RBFOX1: variants seen among roughly 807,000 people sequenced by gnomAD.
RBFOX1 encodes RNA binding protein fox-1 homolog 1.
A neutral mutation model predicts 57.7 loss-of-function variants in RBFOX1; 8 were observed. The observed-to-expected ratio is 0.14, with a 90% CI of 0.08 to 0.25. The LOEUF is 0.25. Ranked by LOEUF, RBFOX1 falls within the 10% of genes least tolerant of loss-of-function variation. The pLI, the probability that RBFOX1 is intolerant of heterozygous loss-of-function variation, is 1.00. For missense variants in RBFOX1, 611 were observed against 548.5 expected (o/e 1.11, Z -1.14); for synonymous variants, 326 against 222.4 (o/e 1.47, Z -4.15).
intron 3 of RBFOX1, among the ~76,000 whole-genome samples, chr16:6,715,876 T>C (rs1228618768): frequency 2.0e-5 from 3 of 152,182 alleles, no homozygotes; most frequent in Non-Finnish European, 4.4e-5. Flanking sequence ...TGAAGCCCCT[T>C]TGGGGTCAAG....
At chr16:6,883,796 T>A (rs2063419953) in intron 3 of RBFOX1, among the ~76,000 whole-genome samples, 1 of 148,986 alleles carries the variant, frequency 6.7e-6, no homozygotes, top group Non-Finnish European at 1.5e-5. Flanking sequence ...GTGAAGAGGT[T>A]TTTTTTTTTC....
At chr16:7,631,858 G>A (rs770829132) in intron 11 of RBFOX1, among the ~76,000 whole-genome samples, 4 of 152,154 alleles carry the variant, frequency 2.6e-5, no homozygotes, top group Non-Finnish European at 4.4e-5. Context: ...AAAATATAAT[G>A]TGACACACCC....
At chr16:6,658,896 G>T (rs2098680462) in intron 3 of RBFOX1, among the ~76,000 whole-genome samples, 1 of 150,868 alleles carries the variant, frequency 6.6e-6, no homozygotes, top group South Asian at 2.1e-4. Context: ...ATAGGAAGCA[G>T]GAGCACAGGT....
chr16:7,692,262 G>A (rs150687347), intron 14 of RBFOX1, among the ~76,000 whole-genome samples: 9 of 152,166 alleles, frequency 5.9e-5, no homozygotes, highest in East Asian at 1.9e-4. Context: ...ATATTTTATT[G>A]GTGTAGAAAT....
intron 1 of RBFOX1, among the ~76,000 whole-genome samples, chr16:6,261,240 A>G (rs999967903): frequency 1.3e-5 from 2 of 152,214 alleles, no homozygotes; most frequent in African/African-American, 4.8e-5. Flanking sequence ...TTCCCTTCCA[A>G]AAAGCAGAAA....
intron 2 of RBFOX1, among the ~76,000 whole-genome samples, chr16:5,473,585 G>A (rs1158769389): frequency 1.3e-5 from 2 of 151,468 alleles, no homozygotes; most frequent in Admixed American, 1.3e-4. Flanking sequence ...ATGAATGGAT[G>A]AAAAGATGGA....
At chr16:5,505,313 C>T (rs923092555) in intron 2 of RBFOX1, among the ~76,000 whole-genome samples, 1 of 152,188 alleles carries the variant, frequency 6.6e-6, no homozygotes, top group Admixed American at 6.5e-5. Context: ...TGAACCAAAG[C>T]CTGCATTTTC....
chr16:7,700,897 T>C (rs1266487118), intron 14 of RBFOX1, among the ~76,000 whole-genome samples: 5 of 152,144 alleles, frequency 3.3e-5, no homozygotes, highest in South Asian at 2.1e-4. Context: ...TGATTTGCCA[T>C]GGGTAAATGG....
chr16:6,631,337 A>C (rs2098382463), intron 2 of RBFOX1, among the ~76,000 whole-genome samples: 1 of 152,164 alleles, frequency 6.6e-6, no homozygotes, highest in African/African-American at 2.4e-5. Context: ...TTTAAGAAAA[A>C]GGAAAGTAGA....
intron 3 of RBFOX1, among the ~76,000 whole-genome samples, chr16:5,812,170 A>G (rs1567572915): frequency 6.6e-6 from 1 of 152,162 alleles, no homozygotes; most frequent in African/African-American, 2.4e-5. Flanking sequence ...TAGTGACTAC[A>G]TTGTGTTTAT....
intron 4 of RBFOX1, among the ~76,000 whole-genome samples, chr16:7,194,681 A>C (rs977358659): frequency 6.6e-6 from 1 of 152,158 alleles, no homozygotes; most frequent in Non-Finnish European, 1.5e-5. Flanking sequence ...TAATCCCAGC[A>C]ATTTTAGAGG....
chr16:5,589,760 G>C (rs953543500), intron 2 of RBFOX1, among the ~76,000 whole-genome samples: 1 of 152,152 alleles, frequency 6.6e-6, no homozygotes, highest in Non-Finnish European at 1.5e-5. Context: ...GAGAGGTGAA[G>C]TCACTTTCCC....
At chr16:5,746,548 A>T (rs1254885292) in intron 3 of RBFOX1, among the ~76,000 whole-genome samples, 2 of 152,094 alleles carry the variant, frequency 1.3e-5, no homozygotes, top group East Asian at 1.9e-4. Flanking sequence ...CATCTTCACG[A>T]TATTGGTTCT....
At chr16:7,487,512 A>G (rs1485325710) in intron 4 of RBFOX1, among the ~76,000 whole-genome samples, 1 of 152,228 alleles carries the variant, frequency 6.6e-6, no homozygotes, top group Non-Finnish European at 1.5e-5. Flanking sequence ...GAGTAAATGC[A>G]TGAATGGATG....
At chr16:7,228,117 A>G (rs1448261892) in intron 4 of RBFOX1, among the ~76,000 whole-genome samples, 1 of 152,120 alleles carries the variant, frequency 6.6e-6, no homozygotes, top group African/African-American at 2.4e-5. Context: ...ATCTTACAGG[A>G]AGGTGGCAAA....
chr16:5,340,592 T>C (rs553655630), intron 1 of RBFOX1, among the ~76,000 whole-genome samples: 1 of 152,298 alleles, frequency 6.6e-6, no homozygotes, highest in South Asian at 2.1e-4. Context: ...CTGAGCTTAG[T>C]GTTTTGAGGA....
At chr16:5,389,488 C>G (rs1342317162) in intron 1 of RBFOX1, among the ~76,000 whole-genome samples, 2 of 152,040 alleles carry the variant, frequency 1.3e-5, no homozygotes, top group Non-Finnish European at 2.9e-5. Context: ...CCAGACATCG[C>G]CAAATGTCCT....
At chr16:6,951,973 A>T (rs2080862353) in intron 3 of RBFOX1, among the ~76,000 whole-genome samples, 2 of 152,152 alleles carry the variant, frequency 1.3e-5, no homozygotes. Context: ...TGATCTCTTG[A>T]TGGGGGCATG....
At chr16:6,173,976 G>T (rs754414702) in intron 1 of RBFOX1, among the ~76,000 whole-genome samples, 1 of 152,028 alleles carries the variant, frequency 6.6e-6, no homozygotes, top group Non-Finnish European at 1.5e-5. Flanking sequence ...CCTTCACAGT[G>T]ATCTCGAAAC....
Sources: gnomAD v4.1 joint callset for allele counts (sites outside exome capture counted in the v4.1 genomes callset) on GRCh38, gnomAD v4.1.1 for gene constraint, MANE v1.5 for transcripts, NCBI Gene and HGNC (gene_info 2026-07-23, HGNC 2026-07-21) for gene names.